SLCO1B1: variants seen among roughly 807,000 people sequenced by gnomAD.
The protein encoded by SLCO1B1 is solute carrier organic anion transporter family member 1B1.
SLCO1B1 carries 81 observed loss-of-function variants against 70.1 expected under a neutral mutation model. That is an observed-to-expected ratio of 1.16 (90% CI 0.97 to 1.39). The LOEUF is 1.39. Ranked by LOEUF, SLCO1B1 falls within the 40% of genes most tolerant of loss-of-function variation. The probability of loss-of-function intolerance (pLI) is 0.00; values close to 1 mark genes in which losing one functional copy is unlikely to be tolerated. For missense variants in SLCO1B1, 895 were observed against 799.6 expected (o/e 1.12, Z -1.44); for synonymous variants, 283 against 271.5 (o/e 1.04, Z -0.42).
chr12:21,218,700 G>A (rs1941388665), intron 12 of SLCO1B1, among the ~76,000 whole-genome samples: 1 of 151,982 alleles, frequency 6.6e-6, no homozygotes, highest in Admixed American at 6.6e-5. Flanking sequence ...ATAATAGTCT[G>A]CATATCAACA....
chr12:21,182,664 G>A (rs1369153966), intron 7 of SLCO1B1, among the ~76,000 whole-genome samples: 7 of 152,246 alleles, frequency 4.6e-5, no homozygotes, highest in Middle Eastern at 3.4e-3. Flanking sequence ...TATCCTTGGA[G>A]CACTTCAGAT....
At chr12:21,139,737 G>T (rs1250470894) in intron 1 of SLCO1B1, among the ~76,000 whole-genome samples, 7 of 152,106 alleles carry the variant, frequency 4.6e-5, no homozygotes, top group Non-Finnish European at 1.0e-4. Context: ...AATTTGAGCT[G>T]CCATGTTCCC....
chr12:21,231,745 C>G (rs914634965), intron 14 of SLCO1B1, among the ~76,000 whole-genome samples: 2 of 151,596 alleles, frequency 1.3e-5, no homozygotes, highest in African/African-American at 4.9e-5. Flanking sequence ...TATATACACA[C>G]AAACGTATAT....
chr12:21,159,124 C>T (rs1940579661), intron 2 of SLCO1B1, among the ~76,000 whole-genome samples: 1 of 152,100 alleles, frequency 6.6e-6, no homozygotes, highest in African/African-American at 2.4e-5. Flanking sequence ...ATAGTAAACA[C>T]ATGCATAAAT....
At chr12:21,154,056 G>A (rs1940508230) in intron 2 of SLCO1B1, among the ~76,000 whole-genome samples, 2 of 151,304 alleles carry the variant, frequency 1.3e-5, no homozygotes, top group Middle Eastern at 3.4e-3. Context: ...AGTTAGACTT[G>A]CTTTTACTAT....
intron 1 of SLCO1B1, among the ~76,000 whole-genome samples, chr12:21,137,941 C>A (rs1016724456): frequency 2.0e-5 from 3 of 152,208 alleles, no homozygotes; most frequent in African/African-American, 4.8e-5. Context: ...ATGCTGGGAG[C>A]TGTAGACCAG....
rs1327228091 is a variant in SLCO1B1 at position 21,143,811 on chromosome 12, A to G, written c.84+2153A>G. On this transcript the variant is annotated intron_variant, in intron 2 of 14. Coordinates refer to ENST00000256958, the MANE Select transcript of SLCO1B1 (RefSeq NM_006446.5). ...TGTCTTTAATAACTTTCCTCATTCC[A>G]TACTTCTAAAAAATTATCTTAAGGT... Among the ~76,000 whole-genome samples the G allele has an allele frequency of 2.0e-5, 3 of 152,076 alleles. No individual in the cohort carries two copies. The East Asian group carries it at 5.8e-4, about 29-fold the overall frequency.
intron 11 of SLCO1B1, among the ~76,000 whole-genome samples, chr12:21,216,193 T>C (rs1941355616): frequency 6.6e-6 from 1 of 152,158 alleles, no homozygotes; most frequent in Non-Finnish European, 1.5e-5. Context: ...CCATCACTTC[T>C]TAAAATAGTG....
At chr12:21,141,370 A>G in intron 1 of SLCO1B1, 144 bp from the exon 2 acceptor site, 1 of 389,334 alleles carries the variant, frequency 2.6e-6, no homozygotes, top group Non-Finnish European at 4.7e-6. Flanking sequence ...TCCAGCATTG[A>G]CCTAGCAGAG....
At chr12:21,165,555 A>C (rs183321569) in intron 2 of SLCO1B1, among the ~76,000 whole-genome samples, 2 of 152,180 alleles carry the variant, frequency 1.3e-5, no homozygotes, top group Non-Finnish European at 1.5e-5. Context: ...ATTTACAAGA[A>C]GTTGTTATGG....
rs377350683 is a variant in SLCO1B1 at position 21,224,811 on chromosome 12, T to C, written c.1837T>C (p.Cys613Arg). The change falls in exon 14 of 15, where the codon TGT becomes CGT. Residue 613 changes from cysteine (C) to arginine (R), a missense_variant. By Grantham distance (180) the Cys-to-Arg change is radical. Transcript: ENST00000256958. ...STNNCGTRGS[C>R]RTYNSTSFSR... ...CAACAACTGTGGCACACGTGGGTCA[T>C]GTAGGACATATAATTCCACATCATT... 33 of 1,602,750 alleles carry C rather than the reference T, an allele frequency of 2.1e-5. No individual in the cohort carries two copies. Among genetic ancestry groups the C allele is most frequent in the South Asian group, 1.7e-4 (15 of 89,454 alleles).
rs1941172298 is a variant in SLCO1B1 at position 21,202,656 on chromosome 12, C to T, written c.1301C>T (p.Ser434Leu). ...LYFFILCENK[S>L]VAGLTMTYDG... ...TTTTTCATACTCTGTGAAAACAAATCAGTTGCCGGACTAACCATGACCTAT... is the reference window on the plus strand; with the variant it reads ...TTTTTCATACTCTGTGAAAACAAATTAGTTGCCGGACTAACCATGACCTAT... The change falls in exon 10 of 15, where the codon TCA becomes TTA. Residue 434 changes from serine (S) to leucine (L), a missense_variant. By Grantham distance (145) the Ser-to-Leu change is moderately radical. Transcript: ENST00000256958. 2 of 1,612,432 alleles carry T rather than the reference C, an allele frequency of 1.2e-6. No individual in the cohort carries two copies. Among genetic ancestry groups the T allele is most frequent in the Middle Eastern group, 3.3e-4 (2 of 6,026 alleles).
In SLCO1B1 at chr12:21,216,031, G is replaced by C. The variant is rs536424813; in HGVS notation, c.1498-1088G>C. ...CACTAGCGAAGGCCTGAAAGTGATA[G>C]AATATTAGAACCCTAAAAAGAATTG... is the stretch of plus-strand genomic sequence containing the variant. On this transcript the variant is annotated intron_variant, in intron 11 of 14. Transcript: ENST00000256958. Among the ~76,000 whole-genome samples, 401 of 152,226 alleles carry C rather than the reference G, an allele frequency of 2.6e-3. 6 individuals are homozygous for C. The highest frequency in any genetic ancestry group is 9.2e-3 in the African/African-American group (384 of 41,534).
At chr12:21,189,474 C>T (rs188513217) in intron 7 of SLCO1B1, among the ~76,000 whole-genome samples, 1 of 150,686 alleles carries the variant, frequency 6.6e-6, no homozygotes, top group African/African-American at 2.4e-5. Context: ...TTTTGAGTCA[C>T]TCTCACTCTG....
intron 3 of SLCO1B1, 42 bp downstream of exon 3, chr12:21,172,833 TA>T: frequency 6.4e-7 from 1 of 1,553,092 alleles, no homozygotes. Context: ...CTTGCAAAGT[TA>T]AAAAATATAT....
chr12:21,217,355 C>A (rs1941371898), intron 12 of SLCO1B1, 52 bp downstream of exon 12: 1 of 1,312,502 alleles, frequency 7.6e-7, no homozygotes, highest in Non-Finnish European at 1.1e-6. Flanking sequence ...ATAAACACAC[C>A]TAATGATATG....
chr12:21,186,462 T>C (rs1363369503), intron 7 of SLCO1B1, among the ~76,000 whole-genome samples: 1 of 152,102 alleles, frequency 6.6e-6, no homozygotes, highest in Non-Finnish European at 1.5e-5. Context: ...TTTTATACTG[T>C]TTAGTGCAAT....
At chr12:21,131,328 G>C (rs763027754) in intron 1 of SLCO1B1, 92 bp downstream of exon 1, 2 of 151,934 alleles carry the variant, frequency 1.3e-5, no homozygotes, top group African/African-American at 4.8e-5. Flanking sequence ...AAAATATTAC[G>C]AATTTTATGC....
chr12:21,180,568 T>C lies in SLCO1B1; in HGVS notation c.727+1548T>C, dbSNP rs796578199. On this transcript the variant is annotated intron_variant, in intron 7 of 14. Transcript: ENST00000256958. ...ATTTTCCACCTCATTAGGCCTTCAATAGATCATTCCAAAGAGATCAAAGGA... is the reference window on the plus strand; with the variant it reads ...ATTTTCCACCTCATTAGGCCTTCAACAGATCATTCCAAAGAGATCAAAGGA... 8.7e-4 allele frequency among the ~76,000 whole-genome samples: 132 copies of C among 152,290 alleles called. 2 individuals carry two copies. Among genetic ancestry groups the C allele is most frequent in the African/African-American group, 3.1e-3 (128 of 41,578 alleles).
Sources: allele counts gnomAD v4.1 joint callset (sites outside exome capture counted in the v4.1 genomes callset), GRCh38; gene constraint gnomAD v4.1.1; transcripts MANE v1.5; gene names NCBI Gene and HGNC (gene_info 2026-07-23, HGNC 2026-07-21).